The following FRMD6 variants were observed in gnomAD, a reference collection of about 807,000 sequenced individuals.
FRMD6 encodes the protein FERM domain-containing protein 6.
In FRMD6, 37 loss-of-function variants were observed where a neutral mutation model predicts 73.2. The observed-to-expected ratio is 0.51, with a 90% CI of 0.39 to 0.66. The LOEUF is 0.66. Among genes scored for constraint, FRMD6 ranks in the 30% least tolerant of loss-of-function variants. The probability of loss-of-function intolerance (pLI) is 0.00; values close to 1 mark genes in which losing one functional copy is unlikely to be tolerated. For missense variants in FRMD6, 714 were observed against 780.5 expected (o/e 0.91, Z 1.02); for synonymous variants, 273 against 282.2 (o/e 0.97, Z 0.33).
At chr14:51,669,527 C>A (rs1304887164) in intron 1 of FRMD6, among the ~76,000 whole-genome samples, 1 of 152,126 alleles carries the variant, frequency 6.6e-6, no homozygotes, top group East Asian at 1.9e-4. Context: ...TTGGTATTGT[C>A]AGTGTTTTTA....
intron 2 of FRMD6, among the ~76,000 whole-genome samples, chr14:51,584,767 C>A (rs1202101100): frequency 1.3e-5 from 2 of 152,152 alleles, no homozygotes; most frequent in African/African-American, 4.8e-5. Flanking sequence ...CAGCTTCATA[C>A]GTGTCCACTT....
At chr14:51,647,796 T>A (rs1892144641), upstream of FRMD6, among the ~76,000 whole-genome samples, 1 of 152,238 alleles carries the variant, frequency 6.6e-6, no homozygotes, top group South Asian at 2.1e-4. Context: ...ATACTCTGAA[T>A]GCTGGATAGC....
intron 1 of FRMD6, among the ~76,000 whole-genome samples, chr14:51,659,397 C>T (rs2140150256): frequency 6.6e-6 from 1 of 152,240 alleles, no homozygotes; most frequent in East Asian, 1.9e-4. Flanking sequence ...TTGGAGGTTC[C>T]CAAGCCTTCA....
chr14:51,726,591 C>T (rs1897968767), intron 13 of FRMD6, among the ~76,000 whole-genome samples: 1 of 152,070 alleles, frequency 6.6e-6, no homozygotes, highest in Non-Finnish European at 1.5e-5. Context: ...TTGAAGTAAC[C>T]ATAATGTGAA....
chr14:51,499,496 A>G (rs578237435), intron 1 of FRMD6, among the ~76,000 whole-genome samples: 1 of 152,390 alleles, frequency 6.6e-6, no homozygotes, highest in South Asian at 2.1e-4. Context: ...TCCTTAAAGC[A>G]GTCTGTTTTA....
Position 51,599,058 on chromosome 14 carries a change from C to CTTTTTTTTTTTTTTTT in FRMD6, c.-147+28660_-147+28675dup, listed in dbSNP as rs59151771. ...TCTCAGCAGCCTTGCCAGTATCTGT[C>CTTTTTTTTTTTTTTTT]TTTTTTTTTTTTTTTTTTTTTTTTT... On this transcript the variant is annotated intron_variant, in intron 2 of 14. Coordinates refer to the FRMD6 transcript ENST00000356218. Among the ~76,000 whole-genome samples the CTTTTTTTTTTTTTTTT allele has an allele frequency of 2.1e-3, 154 of 72,822 alleles. 7 individuals are homozygous for CTTTTTTTTTTTTTTTT. Among genetic ancestry groups the CTTTTTTTTTTTTTTTT allele is most frequent in the African/African-American group, 3.4e-3 (61 of 18,188 alleles). 47.8% of individuals were successfully genotyped at this position (72,822 alleles called of 152,430 possible).
the FRMD6 span, among the ~76,000 whole-genome samples, chr14:51,465,780 A>G: frequency 2.0e-5 from 3 of 152,130 alleles, no homozygotes; most frequent in Non-Finnish European, 4.4e-5. Flanking sequence ...GTCTTTGTGC[A>G]AACATGTTTT....
chr14:51,572,796 C>T (rs1239313899), intron 2 of FRMD6, among the ~76,000 whole-genome samples: 1 of 152,174 alleles, frequency 6.6e-6, no homozygotes, highest in Non-Finnish European at 1.5e-5. Flanking sequence ...TTAAGGGAAT[C>T]ATTTCAAAGA....
intron 2 of FRMD6, among the ~76,000 whole-genome samples, chr14:51,643,244 G>T (rs1376162195): frequency 6.6e-6 from 1 of 152,152 alleles, no homozygotes; most frequent in African/African-American, 2.4e-5. Flanking sequence ...AGTAAGGCTC[G>T]GTTGACCATT....
intron 2 of FRMD6, among the ~76,000 whole-genome samples, chr14:51,627,546 C>T (rs1038942713): frequency 3.3e-5 from 5 of 152,150 alleles, no homozygotes; most frequent in African/African-American, 1.2e-4. Flanking sequence ...AGTGGGAGAG[C>T]ACTGGGCAGA....
intron 9 of FRMD6, chr14:51,714,213 A>G (rs1897115343): frequency 6.6e-6 from 1 of 152,194 alleles, no homozygotes; most frequent in Non-Finnish European, 1.5e-5. Flanking sequence ...TTTGAGGATT[A>G]AATGAGTGGA....
At chr14:51,458,985 G>A in the FRMD6 span, among the ~76,000 whole-genome samples, 2 of 152,196 alleles carry the variant, frequency 1.3e-5, no homozygotes. Flanking sequence ...AGGTTGTCTG[G>A]ACTAACAACC....
At chr14:51,413,375 G>T in the FRMD6 span, among the ~76,000 whole-genome samples, 1 of 152,088 alleles carries the variant, frequency 6.6e-6, no homozygotes, top group African/African-American at 2.4e-5. Flanking sequence ...TGTTCTCATT[G>T]TTCAGTTCCC....
At chr14:51,455,027 T>C in the FRMD6 span, among the ~76,000 whole-genome samples, 2 of 152,198 alleles carry the variant, frequency 1.3e-5, no homozygotes, top group Non-Finnish European at 2.9e-5. Flanking sequence ...CCAAACTGTG[T>C]TCTCAGGACA....
the FRMD6 span, among the ~76,000 whole-genome samples, chr14:51,464,341 C>T: frequency 2.6e-5 from 4 of 151,730 alleles, no homozygotes; most frequent in Admixed American, 1.3e-4. Flanking sequence ...ACACATTTAC[C>T]TATGTAAGAA....
At chr14:51,457,807 T>C in the FRMD6 span, among the ~76,000 whole-genome samples, 1 of 152,206 alleles carries the variant, frequency 6.6e-6, no homozygotes, top group African/African-American at 2.4e-5. Flanking sequence ...AGAGAGTATG[T>C]GTTAGGAGGC....
At chr14:51,418,151 C>T in the FRMD6 span, among the ~76,000 whole-genome samples, 1 of 152,216 alleles carries the variant, frequency 6.6e-6, no homozygotes, top group African/African-American at 2.4e-5. Context: ...AAGCCTACTC[C>T]TGTCAGCTTG....
At chr14:51,684,125 A>ATGTTT (rs1348269327) in intron 1 of FRMD6, among the ~76,000 whole-genome samples, 1 of 151,264 alleles carries the variant, frequency 6.6e-6, no homozygotes, top group Non-Finnish European at 1.5e-5. Context: ...TGGCTCCTAA[A>ATGTTT]TGTTTTGTTT....
chr14:51,622,703 T>A (rs1341160976), intron 2 of FRMD6, among the ~76,000 whole-genome samples: 1 of 152,184 alleles, frequency 6.6e-6, no homozygotes, highest in Non-Finnish European at 1.5e-5. Context: ...TAAAGATTCA[T>A]CCCAAACCAA....
Sources: gnomAD v4.1 joint callset for allele counts (sites outside exome capture counted in the v4.1 genomes callset) on GRCh38, gnomAD v4.1.1 for gene constraint, MANE v1.5 for transcripts, NCBI Gene and HGNC (gene_info 2026-07-23, HGNC 2026-07-21) for gene names.